Variants in ITM2A observed in about 807,000 individuals in gnomAD.
The protein encoded by ITM2A is BRICHOS domain containing 2A.
A neutral mutation model predicts 16.6 loss-of-function variants in ITM2A; 11 were observed. The observed-to-expected ratio is 0.66, with a 90% CI of 0.42 to 1.10. The LOEUF is 1.10. Ranked by LOEUF, ITM2A falls within the 50% of genes least tolerant of loss-of-function variation. The probability of loss-of-function intolerance (pLI) is 0.00; values close to 1 mark genes in which losing one functional copy is unlikely to be tolerated. For missense variants in ITM2A, 243 were observed against 206.8 expected, an observed-to-expected ratio of 1.17 and a Z score of -1.07; for synonymous variants, 102 against 71.2, an observed-to-expected ratio of 1.43 and a Z score of -2.18.
At chrX:79,363,243 G>A (rs747783752) in intron 2 of ITM2A, 104 bp from the exon 3 acceptor site, 530 of 778,808 alleles carry the variant, frequency 6.8e-4, no homozygotes, top group Non-Finnish European at 8.7e-4. Flanking sequence ...GTGTTAAGCC[G>A]AGGCTTGTTG....
rs1342457825 is a variant in ITM2A at position 79,367,236 on chromosome X, G to C, written c.-21C>G. The C allele has an allele frequency of 9.1e-7, 1 of 1,096,054 alleles. No homozygotes were observed. Among genetic ancestry groups the C allele is most frequent in the Admixed American group, 2.3e-5 (1 of 44,270 alleles). The allele number at this position is 1,096,054 out of a possible 1,213,427, so 90.3% of individuals were successfully genotyped here. On this transcript the variant is annotated 5_prime_UTR_variant, in exon 1 of 6. Transcript: ENST00000373298. The stretch of plus-strand genomic sequence containing the variant: ...ACCATAGTGAATCTTCGGGCTGCGC[G>C]GTAAGGCGCTGCTGGAATCAGCGTC...
In ITM2A at chrX:79,363,072, C is replaced by T. The variant is rs1404431186; in HGVS notation, c.311G>A (p.Gly104Glu). 3 of 1,207,217 alleles carry T rather than the reference C, an allele frequency of 2.5e-6. No individual in the cohort carries two copies. Among genetic ancestry groups the T allele is most frequent in the Admixed American group, 2.2e-5 (1 of 45,534 alleles). ...SEDPANSLRGGEPNFLPVTEE... is the reference protein window; with the variant it reads ...SEDPANSLRGEEPNFLPVTEE... ...AGTCACAGGCAGGAAGTTAGGCTCT[C>T]CTCCACGAAGGGAATTTGCAGGATC... Residue 104 changes from glycine (G) to glutamate (E), a missense_variant, in exon 3 of 6, where the codon GGA (glycine) becomes GAA (glutamate). Coordinates refer to ENST00000373298, the MANE Select transcript of ITM2A (RefSeq NM_004867.5).
intron 3 of ITM2A, 64 bp downstream of exon 3, chrX:79,362,878 G>T (rs1925470602): frequency 1.0e-5 from 9 of 880,485 alleles, no homozygotes; most frequent in Non-Finnish European, 1.5e-5. Context: ...ACCTGCCAAT[G>T]AAGTAAAAAA....
chrX:79,361,223 A>T (rs368048936), intron 5 of ITM2A, 46 bp from the exon 6 acceptor site: 10 of 1,135,755 alleles, frequency 8.8e-6, no homozygotes, highest in Non-Finnish European at 1.1e-5. Flanking sequence ...ATTTTTGTGG[A>T]AATGAAAATA....
At chrX:79,361,510 A>G in intron 4 of ITM2A, 31 bp from the exon 5 acceptor site, 1 of 1,162,645 alleles carries the variant, frequency 8.6e-7, no homozygotes, top group Non-Finnish European at 1.2e-6. Flanking sequence ...TTGAAATGAG[A>G]AATTCTTTTT....
chrX:79,366,344 A>G (rs1925574736), intron 1 of ITM2A, among the ~76,000 whole-genome samples: 1 of 111,698 alleles, frequency 9.0e-6, no homozygotes, highest in Admixed American at 9.4e-5. Context: ...ATTGAAAAGT[A>G]TCCTCAAATT....
Position 79,363,153 on chromosome X carries a change from A to C in ITM2A, c.244-14T>G. ...GTAAATGGTGCTCTAAAAGACAAAA[A>C]GGGAAAATTACAACCTTCTAATAAT... On this transcript the variant is annotated splice_polypyrimidine_tract_variant and intron_variant, in intron 2 of 5. Coordinates refer to ENST00000373298, the MANE Select transcript of ITM2A (RefSeq NM_004867.5). 1.0e-5 allele frequency: 12 copies of C among 1,157,625 alleles called. No homozygotes were observed. The highest frequency in any genetic ancestry group is 1.4e-5 in the Non-Finnish European group (12 of 851,783).
In ITM2A at chrX:79,367,242, G is replaced by T; in HGVS notation, c.-27C>A. On this transcript the variant is annotated 5_prime_UTR_variant, in exon 1 of 6. Coordinates refer to ENST00000373298, the MANE Select transcript of ITM2A (RefSeq NM_004867.5). ...GTGAATCTTCGGGCTGCGCGGTAAG[G>T]CGCTGCTGGAATCAGCGTCCTGGGC... The T allele has an allele frequency of 9.3e-7, 1 of 1,077,523 alleles. No homozygotes were observed. 88.8% of individuals were successfully genotyped at this position (1,077,523 alleles called of 1,213,427 possible).
chrX:79,361,563 T>A (rs1435144276), intron 4 of ITM2A, 84 bp from the exon 5 acceptor site: 1 of 812,530 alleles, frequency 1.2e-6, no homozygotes, highest in Non-Finnish European at 1.8e-6. Flanking sequence ...GCAAGTTTGT[T>A]ACTTAAGTAA....
intron 1 of ITM2A, among the ~76,000 whole-genome samples, chrX:79,365,987 T>G (rs1231345114): frequency 8.9e-6 from 1 of 112,371 alleles, no homozygotes; most frequent in Non-Finnish European, 1.9e-5. Context: ...CTCAAAGGAC[T>G]TTTTATATCT....
At chrX:79,363,620 G>A in intron 1 of ITM2A, 66 bp from the exon 2 acceptor site, 1 of 834,617 alleles carries the variant, frequency 1.2e-6, no homozygotes, top group Admixed American at 3.2e-5. Context: ...AGTTGATTTT[G>A]TGTACAATTT....
At chrX:79,363,653 T>C (rs764340711) in intron 1 of ITM2A, 99 bp from the exon 2 acceptor site, 5 of 497,820 alleles carry the variant, frequency 1.0e-5, no homozygotes, top group Admixed American at 4.4e-5. Flanking sequence ...ACCCAAGATA[T>C]TTTTTTAAAT....
intron 4 of ITM2A, among the ~76,000 whole-genome samples, chrX:79,361,705 T>C (rs771198076): frequency 2.7e-5 from 3 of 111,072 alleles, no homozygotes; most frequent in African/African-American, 9.8e-5. Context: ...GTGTGTGTTA[T>C]TCCCCTCTAT....
rs1172925080 is a variant in ITM2A at position 79,362,563 on chromosome X, G to T, written c.552+18C>A. 3 of 984,634 alleles carry T rather than the reference G, an allele frequency of 3.0e-6. No individual in the cohort carries two copies. Among genetic ancestry groups the T allele is most frequent in the Middle Eastern group, 5.2e-4 (2 of 3,811 alleles). The allele number at this position is 984,634 out of a possible 1,213,427, so 81.1% of individuals were successfully genotyped here. On this transcript the variant is annotated intron_variant, in intron 4 of 5. Coordinates refer to ENST00000373298, the MANE Select transcript of ITM2A (RefSeq NM_004867.5). ...CTTGGAAATGCTTATATAAAAATTT[G>T]ACTTCCAAAATACATACCGCCAGTT...
Position 79,363,013 on chromosome X carries a change from C to A in ITM2A, c.370G>T (p.Ala124Ser). The stretch of plus-strand genomic sequence containing the variant: ...CTGGGGACAGGCACATCAATGATTG[C>A]AATGTTGTCATCCTCACGAATGTCA... ...EADIREDDNIAIIDVPVPSFS... is the reference protein window; with the variant it reads ...EADIREDDNISIIDVPVPSFS... Residue 124 changes from alanine to serine, a missense_variant, in exon 3 of 6, where the codon GCA (alanine) becomes TCA (serine). Transcript: ENST00000373298. 8.3e-7 allele frequency: 1 copy of A among 1,206,371 alleles called. No individual in the cohort carries two copies.
At chrX:79,364,604 T>C (rs1395479297) in intron 1 of ITM2A, among the ~76,000 whole-genome samples, 19 of 111,894 alleles carry the variant, frequency 1.7e-4, no homozygotes, top group African/African-American at 5.2e-4. Context: ...TAGGCCCTGA[T>C]CATTAAAGAG....
At position 79,361,025 on chromosome X, in the gene ITM2A, A is replaced by G. The variant is rs534805209; in HGVS notation, c.*64T>C. 1.8e-5 allele frequency: 11 copies of G among 627,571 alleles called. No homozygotes were observed. In the South Asian group the frequency reaches 3.3e-4, roughly 19 times the overall value. The allele number at this position is 627,571 out of a possible 1,213,427, so 51.7% of individuals were successfully genotyped here. On this transcript the variant is annotated 3_prime_UTR_variant, in exon 6 of 6. Transcript: ENST00000373298. ...ATATCTTGAGTATCCCATAAACCTTAATGTTAAAGTCATATTGTAAATCTC... is the reference window on the plus strand; with the variant it reads ...ATATCTTGAGTATCCCATAAACCTTGATGTTAAAGTCATATTGTAAATCTC...
Position 79,361,372 on chromosome X carries a change from A to T in ITM2A, c.660T>A (p.Asn220Lys). The stretch of plus-strand genomic sequence containing the variant: ...GACGAAGGCGGAAGGACTTTCTGTT[A>T]TTGCAAAGTTGGTAAATAAAGATGC... The part of the protein sequence containing the change: ...NLGIFIYQLC[N>K]NRKSFRLRRR... Residue 220 changes from asparagine (N) to lysine (K), a missense_variant, in exon 5 of 6, where the codon AAT (asparagine) becomes AAA (lysine). Physicochemically the swap from Asn to Lys is moderately conservative, Grantham distance 94. Transcript: ENST00000373298. 8.3e-7 allele frequency: 1 copy of T among 1,209,469 alleles called. No individual in the cohort carries two copies. The highest frequency in any genetic ancestry group is 1.1e-6 in the Non-Finnish European group (1 of 893,509).
At position 79,361,127 on chromosome X, in the gene ITM2A, TGG is replaced by T. The variant is rs1311025675; in HGVS notation, c.752_753del (p.Pro251GlnfsTer6). 8.3e-7 allele frequency: 1 copy of T among 1,203,354 alleles called. No homozygotes were observed. Among genetic ancestry groups the T allele is most frequent in the Non-Finnish European group, 1.1e-6 (1 of 889,698 alleles). ...IDKCWKIRHF[P>X]NEFIVETKIC... Reference sequence around the variant, plus strand: ...ATCTTGGTCTCAACAATAAATTCGTTGGGGAAGTGTCTAATCTTCCAGCATTT... The same window carrying T: ...ATCTTGGTCTCAACAATAAATTCGTTGGAAGTGTCTAATCTTCCAGCATTT... On this transcript the variant is annotated frameshift_variant, in exon 6 of 6. Transcript: ENST00000373298. LOFTEE classifies it high-confidence loss of function.
Sources: allele counts gnomAD v4.1 joint callset (sites outside exome capture counted in the v4.1 genomes callset), GRCh38; gene constraint gnomAD v4.1.1; transcripts MANE v1.5; gene names NCBI Gene and HGNC (gene_info 2026-07-23, HGNC 2026-07-21).